ZBED6: variants seen among roughly 807,000 people sequenced by gnomAD.
ZBED6 encodes the protein zinc finger BED-type containing 6.
In ZBED6, 40 loss-of-function variants were observed where a neutral mutation model predicts 58.4. The ratio of observed to expected loss-of-function variants is 0.68; its 90% CI spans 0.53 to 0.89. ZBED6 has a LOEUF of 0.89. Ranked by LOEUF, ZBED6 falls within the 40% of genes least tolerant of loss-of-function variation. The probability of loss-of-function intolerance (pLI) is 0.00; values close to 1 mark genes in which losing one functional copy is unlikely to be tolerated. For missense variants in ZBED6, 1,057 were observed against 1,003.9 expected, an observed-to-expected ratio of 1.05 and a Z score of -0.71; for synonymous variants, 439 against 350.6, an observed-to-expected ratio of 1.25 and a Z score of -2.82.
intron 4 of ZBED6, among the ~76,000 whole-genome samples, chr1:203,828,778 A>G (rs1294894085): frequency 6.6e-6 from 1 of 152,172 alleles, no homozygotes; most frequent in East Asian, 1.9e-4. Flanking sequence ...TTGCCCATTC[A>G]TTTACATATT....
intron 14 of ZBED6, 101 bp from the exon 15 acceptor site, chr1:203,850,414 T>A: frequency 6.8e-6 from 10 of 1,477,060 alleles, no homozygotes; most frequent in African/African-American, 1.4e-5. Context: ...TTATTTGTGG[T>A]ATTTCTAGTA....
chr1:203,818,245 C>T (rs770821178), intron 2 of ZBED6, among the ~76,000 whole-genome samples: 1 of 149,906 alleles, frequency 6.7e-6, no homozygotes, highest in African/African-American at 2.4e-5. Context: ...GCTAGAGTTA[C>T]ACAAGGCGAG....
chr1:203,827,722 A>C (rs1051342728), intron 3 of ZBED6, among the ~76,000 whole-genome samples: 1 of 151,976 alleles, frequency 6.6e-6, no homozygotes, highest in African/African-American at 2.4e-5. Flanking sequence ...AAGGATACCT[A>C]ACATCCTTAG....
intron 1 of ZBED6, among the ~76,000 whole-genome samples, chr1:203,804,644 G>A (rs1393366394): frequency 2.0e-5 from 3 of 150,700 alleles, no homozygotes; most frequent in Admixed American, 6.6e-5. Flanking sequence ...GTAATCTGCA[G>A]GTTCTGGATT....
intron 1 of ZBED6, among the ~76,000 whole-genome samples, chr1:203,806,433 C>G (rs1024412328): frequency 6.6e-6 from 1 of 152,132 alleles, no homozygotes; most frequent in Non-Finnish European, 1.5e-5. Flanking sequence ...TGCTGAGTAG[C>G]TGGGATTATA....
At chr1:203,842,971 A>T (rs1040133437) in intron 11 of ZBED6, among the ~76,000 whole-genome samples, 2 of 151,678 alleles carry the variant, frequency 1.3e-5, no homozygotes, top group African/African-American at 4.8e-5. Flanking sequence ...GCTTTTAAAA[A>T]TTTTATATTT....
intron 1 of ZBED6, among the ~76,000 whole-genome samples, chr1:203,815,774 A>AG (rs1676170099): frequency 6.6e-6 from 1 of 152,130 alleles, no homozygotes; most frequent in African/African-American, 2.4e-5. Context: ...AATTTGATTT[A>AG]ATTGATTTCA....
At chr1:203,813,679 G>A (rs1450327610) in intron 1 of ZBED6, among the ~76,000 whole-genome samples, 1 of 152,078 alleles carries the variant, frequency 6.6e-6, no homozygotes, top group Non-Finnish European at 1.5e-5. Context: ...AATGTTTTCA[G>A]CAGGGCCATT....
At chr1:203,838,204 A>T in intron 10 of ZBED6, 140 bp downstream of exon 10, 2 of 831,320 alleles carry the variant, frequency 2.4e-6, no homozygotes, top group Non-Finnish European at 3.7e-6. Context: ...CTCAACAAAC[A>T]TTTGATCCTT....
intron 9 of ZBED6, among the ~76,000 whole-genome samples, chr1:203,835,313 T>C (rs1191830651): frequency 6.6e-6 from 1 of 152,234 alleles, no homozygotes; most frequent in African/African-American, 2.4e-5. Flanking sequence ...TGGCACTTGA[T>C]ATCAGTAAAT....
At chr1:203,804,730 T>C (rs1302791116) in intron 1 of ZBED6, among the ~76,000 whole-genome samples, 1 of 151,104 alleles carries the variant, frequency 6.6e-6, no homozygotes, top group Non-Finnish European at 1.5e-5. Flanking sequence ...TGGAGTGCAA[T>C]GGTGCTGTCT....
chr1:203,818,511 A>T, intron 2 of ZBED6, 59 bp from the exon 3 acceptor site: 1 of 1,607,686 alleles, frequency 6.2e-7, no homozygotes, highest in Non-Finnish European at 8.5e-7. Context: ...CTTGTTATGG[A>T]TATTTTACCT....
rs1681785817 is a variant in ZBED6 at position 203,830,108 on chromosome 1, T to A, written c.*3319-15T>A. 1.3e-6 allele frequency: 2 copies of A among 1,577,062 alleles called. No homozygotes were observed. The highest frequency in any genetic ancestry group is 2.3e-5 in the South Asian group (2 of 87,880). ...AGGCTCCCGTTCCTCATAAAATTTC[T>A]ATTTGAATTTTCAGGTGAATGTTTG... On this transcript the variant is annotated splice_polypyrimidine_tract_variant and intron_variant, in intron 6 of 16. Transcript: ENST00000550078.
chr1:203,807,366 A>T (rs1672735615), intron 1 of ZBED6, among the ~76,000 whole-genome samples: 1 of 151,886 alleles, frequency 6.6e-6, no homozygotes, highest in Non-Finnish European at 1.5e-5. Flanking sequence ...GCTCAGTGCA[A>T]CCTCAAACTC....
chr1:203,833,715 A>G, intron 8 of ZBED6, 76 bp from the exon 9 acceptor site: 2 of 1,309,324 alleles, frequency 1.5e-6, no homozygotes, highest in Non-Finnish European at 2.1e-6. Flanking sequence ...ATCAGAACAT[A>G]CTTTGTACCC....
chr1:203,848,246 C>T (rs1688414093), intron 12 of ZBED6, 85 bp from the exon 13 acceptor site: 1 of 1,127,732 alleles, frequency 8.9e-7, no homozygotes, highest in South Asian at 1.4e-5. Flanking sequence ...TTACTACTTT[C>T]ATTAAATAAA....
At chr1:203,812,739 G>A (rs1317499140) in intron 1 of ZBED6, among the ~76,000 whole-genome samples, 5 of 151,658 alleles carry the variant, frequency 3.3e-5, no homozygotes, top group African/African-American at 9.7e-5. Flanking sequence ...GTGCTACCAC[G>A]GCCAGCTAAT....
intron 1 of ZBED6, among the ~76,000 whole-genome samples, chr1:203,807,487 A>T (rs1209156320): frequency 1.3e-5 from 2 of 151,386 alleles, no homozygotes; most frequent in Non-Finnish European, 2.9e-5. Context: ...TTGGGTTTGT[A>T]ATATATGTGA....
chr1:203,841,969 G>C (rs1303440419), intron 11 of ZBED6, among the ~76,000 whole-genome samples: 19 of 150,074 alleles, frequency 1.3e-4, no homozygotes, highest in Non-Finnish European at 2.1e-4. Context: ...ACGGGGCCGC[G>C]GCTGGGCAGA....
Sources: gnomAD v4.1 joint callset for allele counts (sites outside exome capture counted in the v4.1 genomes callset) on GRCh38, gnomAD v4.1.1 for gene constraint, MANE v1.5 for transcripts, NCBI Gene and HGNC (gene_info 2026-07-23, HGNC 2026-07-21) for gene names.